Variants in CLIP1 observed in about 807,000 individuals in gnomAD.
CLIP1 encodes CAP-Gly domain-containing linker protein 1.
A neutral mutation model predicts 161.6 loss-of-function variants in CLIP1; 66 were observed. The ratio of observed to expected loss-of-function variants is 0.41; its 90% CI spans 0.33 to 0.50. The LOEUF (loss-of-function observed/expected upper bound fraction) is 0.50, where lower values mean the gene tolerates loss of function less well. Among genes scored for constraint, CLIP1 ranks in the 20% least tolerant of loss-of-function variants. CLIP1 has a pLI of 0.27. For missense variants in CLIP1, 1,376 were observed against 1,702.0 expected (o/e 0.81, Z 3.37); for synonymous variants, 598 against 626.2 (o/e 0.96, Z 0.67).
At position 122,340,944 on chromosome 12, in the gene CLIP1, C is replaced by T. The variant is rs764823471; in HGVS notation, c.2260G>A (p.Glu754Lys). Residue 754 changes from glutamate (E) to lysine (K), a missense_variant, in exon 11 of 26, where the codon GAA (glutamate) becomes AAA (lysine). Around this residue, in one of 6 missense-constraint regions of CLIP1, gnomAD observed 948 missense variants for 1,134.8 expected, o/e 0.84. Coordinates refer to ENST00000620786, the MANE Select transcript of CLIP1 (RefSeq NM_001247997.2). ...ELEVLQAKCN[E>K]QTKVIDNFTS... Reference sequence around the variant, plus strand: ...AAATTATCAATAACCTTGGTTTGTTCATTGCATTTGGCTTGCAGTACCTCT... The same window carrying T: ...AAATTATCAATAACCTTGGTTTGTTTATTGCATTTGGCTTGCAGTACCTCT... 7 of 1,614,198 alleles carry T rather than the reference C, an allele frequency of 4.3e-6. No homozygotes were observed. The highest frequency in any genetic ancestry group is 5.1e-6 in the Non-Finnish European group (6 of 1,180,042).
In CLIP1 at chr12:122,362,161, C is replaced by T. The variant is rs576053636; in HGVS notation, c.783-980G>A. On this transcript the variant is annotated intron_variant, in intron 4 of 25. Coordinates refer to ENST00000620786, the MANE Select transcript of CLIP1 (RefSeq NM_001247997.2). ...TAGAGACAGGGTTTCAATATGTTGG[C>T]CAGGATGGTCTCGAACTCCTGATCT... Among the ~76,000 whole-genome samples the T allele has an allele frequency of 1.5e-4, 23 of 151,092 alleles. No homozygotes were observed. In the East Asian group the frequency reaches 1.6e-3, roughly 11 times the overall value.
chr12:122,288,096 G>A (rs975292078), intron 21 of CLIP1, among the ~76,000 whole-genome samples: 3 of 151,528 alleles, frequency 2.0e-5, no homozygotes, highest in African/African-American at 4.9e-5. Context: ...GCAGTGGCGC[G>A]ATCTCGGCTC....
rs377059140 is a variant in CLIP1 at position 122,395,124 on chromosome 12, TTA to T, written c.-106-14568_-106-14567del. Among the ~76,000 whole-genome samples, 21 of 152,280 alleles carry T rather than the reference TTA, an allele frequency of 1.4e-4. No homozygotes were observed. In the South Asian group the frequency reaches 2.3e-3, roughly 17 times the overall value. ...TTACTTTTTCACAGAAGAAAAAACT[TTA>T]TGTTTATTTGCAGAAAAAATGGATA... On this transcript the variant is annotated intron_variant, in intron 1 of 25. Coordinates refer to ENST00000620786, the MANE Select transcript of CLIP1 (RefSeq NM_001247997.2).
chr12:122,417,851 T>G (rs1484882770), intron 1 of CLIP1, among the ~76,000 whole-genome samples: 1 of 152,150 alleles, frequency 6.6e-6, no homozygotes, highest in Non-Finnish European at 1.5e-5. Context: ...CAAATACATA[T>G]TTTAAGGACT....
chr12:122,337,885 C>T (rs1029653111), intron 11 of CLIP1, among the ~76,000 whole-genome samples: 3 of 151,644 alleles, frequency 2.0e-5, no homozygotes, highest in African/African-American at 4.8e-5. Flanking sequence ...CGTGGTGGCA[C>T]GCACCTGTAG....
intron 10 of CLIP1, among the ~76,000 whole-genome samples, chr12:122,345,789 CTTTTTT>C (rs538550811): frequency 1.4e-5 from 2 of 143,014 alleles, no homozygotes; most frequent in African/African-American, 2.5e-5. Flanking sequence ...ATTTCTTTTT[CTTTTTT>C]TTTTTTTGAG....
intron 1 of CLIP1, among the ~76,000 whole-genome samples, chr12:122,398,439 A>C (rs1343120131): frequency 1.3e-5 from 2 of 151,880 alleles, no homozygotes; most frequent in East Asian, 3.8e-4. Context: ...AAAAAAAAAA[A>C]ATTAATTTTA....
At chr12:122,390,259 TACACACAC>T (rs1174521187) in intron 1 of CLIP1, among the ~76,000 whole-genome samples, 1 of 96,630 alleles carries the variant, frequency 1.0e-5, no homozygotes, top group Non-Finnish European at 2.2e-5. Flanking sequence ...TACACATATA[TACACACAC>T]ATATATATAT....
intron 1 of CLIP1, among the ~76,000 whole-genome samples, chr12:122,391,641 A>G (rs547382453): frequency 3.0e-4 from 46 of 152,348 alleles, no homozygotes; most frequent in African/African-American, 1.1e-3. Flanking sequence ...GCTTTAGGAC[A>G]TGAAAAATAA....
intron 22 of CLIP1, 32 bp from the exon 23 acceptor site, chr12:122,278,974 G>C (rs752907914): frequency 6.2e-7 from 1 of 1,605,688 alleles, no homozygotes; most frequent in East Asian, 2.2e-5. Context: ...TAGGCTGAGG[G>C]TTTGAACGAA....
At chr12:122,294,328 C>CAAAAAA (rs59785886) in intron 20 of CLIP1, among the ~76,000 whole-genome samples, 1 of 84,100 alleles carries the variant, frequency 1.2e-5, no homozygotes, top group African/African-American at 5.5e-5. Flanking sequence ...GACTCTGTCT[C>CAAAAAA]AAAAAAAAAA....
At position 122,278,190 on chromosome 12, in the gene CLIP1, A is replaced by G. The variant is rs1752999422; in HGVS notation, c.3930T>C (p.Thr1310=). Residue 1310 remains threonine (T), a synonymous_variant, in exon 24 of 26, where the codon ACT becomes ACC. Transcript: ENST00000620786. ...QLSSSSGNTD[T]QADEDERAQE... is the part of the protein sequence containing the mutation. ...GGGCTCTTTCATCCTCGTCTGCCTGAGTGTCTGTATTACCTTATATTTGAG... is the reference window on the plus strand; with the variant it reads ...GGGCTCTTTCATCCTCGTCTGCCTGGGTGTCTGTATTACCTTATATTTGAG... 3 of 1,527,348 alleles carry G rather than the reference A, an allele frequency of 2.0e-6. No homozygotes were observed. Among genetic ancestry groups the G allele is most frequent in the South Asian group, 1.1e-5 (1 of 89,096 alleles). 94.6% of individuals were successfully genotyped at this position (1,527,348 alleles called of 1,614,324 possible). A position where few individuals can be genotyped will look rare whatever the true frequency, so the allele number is the denominator to read the frequency against.
At chr12:122,276,423 G>A (rs1955432170) in intron 24 of CLIP1, 1 of 1,229,254 alleles carries the variant, frequency 8.1e-7, no homozygotes, top group Non-Finnish European at 1.0e-6. Context: ...CGCAAATTAG[G>A]AAACATGAAA....
chr12:122,289,108 G>A (rs544623226), intron 20 of CLIP1, among the ~76,000 whole-genome samples: 5 of 147,846 alleles, frequency 3.4e-5, no homozygotes, highest in African/African-American at 4.9e-5. Context: ...GAGCCACCGC[G>A]CCTGGCCCAA....
intron 4 of CLIP1, among the ~76,000 whole-genome samples, chr12:122,362,691 A>G (rs28485674): frequency 0.78 from 83,557 of 106,862 alleles, 33,480 homozygotes; most frequent in African/African-American, 0.86. Flanking sequence ...AATTTTTAAT[A>G]TCTGTTTCAA....
intron 1 of CLIP1, among the ~76,000 whole-genome samples, chr12:122,410,583 C>T (rs1301308683): frequency 6.6e-6 from 1 of 151,636 alleles, no homozygotes; most frequent in African/African-American, 2.4e-5. Flanking sequence ...CTCAGCCTCC[C>T]GAGTAGCTGG....
At chr12:122,328,810 T>C (rs1279939577) in intron 15 of CLIP1, among the ~76,000 whole-genome samples, 1 of 152,192 alleles carries the variant, frequency 6.6e-6, no homozygotes, top group African/African-American at 2.4e-5. Context: ...CTCGATCTCC[T>C]GGCCTCGTGA....
At chr12:122,288,581 C>T (rs554114276) in intron 20 of CLIP1, 40 bp from the exon 21 acceptor site, 6 of 1,563,586 alleles carry the variant, frequency 3.8e-6, no homozygotes, top group Non-Finnish European at 5.2e-6. Flanking sequence ...CATAACCAGG[C>T]CACAGAAAGG....
chr12:122,324,047 T>A (rs375318557), intron 17 of CLIP1: 2 of 152,690 alleles, frequency 1.3e-5, no homozygotes, highest in Non-Finnish European at 2.9e-5. Context: ...CTGTACAACA[T>A]TGATTTCTTT....
Sources: allele counts gnomAD v4.1 joint callset (sites outside exome capture counted in the v4.1 genomes callset), GRCh38; gene constraint gnomAD v4.1.1; regional missense constraint gnomAD v4.1.1; transcripts MANE v1.5; gene names NCBI Gene and HGNC (gene_info 2026-07-23, HGNC 2026-07-21).